The following IL4I1 variants were observed in gnomAD, a reference collection of about 807,000 sequenced individuals.
IL4I1 encodes interleukin 4 induced 1, also known as L-amino-acid oxidase.
In IL4I1, 24 loss-of-function variants were observed where a neutral mutation model predicts 29.7. The ratio of observed to expected loss-of-function variants is 0.81; its 90% CI spans 0.59 to 1.14. The LOEUF is 1.14. Ranked by LOEUF, IL4I1 falls within the 50% of genes most tolerant of loss-of-function variation. IL4I1 has a pLI of 0.00. For missense variants in IL4I1, 686 were observed against 785.6 expected, an observed-to-expected ratio of 0.87 and a Z score of 1.52; for synonymous variants, 371 against 352.5, an observed-to-expected ratio of 1.05 and a Z score of -0.59.
chr19:49,913,009 T>G (rs1206531652), intron 2 of IL4I1: 2 of 64,752 alleles, frequency 3.1e-5, no homozygotes, highest in Non-Finnish European at 8.9e-5. Context: ...CAGAGTCAAA[T>G]GTCAGCTCTA....
chr19:49,909,994 G>A (rs2075422674), intron 2 of IL4I1: 1 of 694,290 alleles, frequency 1.4e-6, no homozygotes, highest in South Asian at 1.6e-5. Flanking sequence ...AATGATGCAT[G>A]CTGTGTAACC....
chr19:49,920,918 T>C lies in IL4I1; in HGVS notation c.-228+6776A>G, dbSNP rs1152236. On this transcript the variant is annotated intron_variant, in intron 2 of 9. Coordinates refer to the IL4I1 transcript ENST00000341114. The stretch of plus-strand genomic sequence containing the variant: ...CAGCTTCCCCGGGGAGAGGCAGTGA[T>C]GTTGGTGGGGGAAGGAGGGAAGGGC... Among the ~76,000 whole-genome samples the C allele has an allele frequency of 3.2e-3, 493 of 152,118 alleles. 2 individuals carry two copies. The highest frequency in any genetic ancestry group is 0.011 in the African/African-American group (460 of 41,490).
intron 2 of IL4I1, chr19:49,913,152 G>C (rs779349754): frequency 2.6e-5 from 4 of 152,434 alleles, no homozygotes; most frequent in Non-Finnish European, 5.9e-5. Flanking sequence ...CCACGCGGGA[G>C]GAAAGGCCTG....
At chr19:49,892,077 CTTTTTTTTT>C (rs773013384) in intron 5 of IL4I1, among the ~76,000 whole-genome samples, 1 of 120,186 alleles carries the variant, frequency 8.3e-6, no homozygotes, top group Admixed American at 9.4e-5. Flanking sequence ...CCCTCAATGT[CTTTTTTTTT>C]TTTTTTTTTT....
intron 2 of IL4I1, among the ~76,000 whole-genome samples, chr19:49,920,384 G>A (rs1395741061): frequency 1.3e-5 from 2 of 152,184 alleles, no homozygotes; most frequent in East Asian, 3.9e-4. Flanking sequence ...CCCGGCCTAG[G>A]AGTTTCTTTT....
intron 2 of IL4I1, among the ~76,000 whole-genome samples, chr19:49,926,266 T>C (rs1181510533): frequency 6.8e-6 from 1 of 146,446 alleles, no homozygotes; most frequent in Non-Finnish European, 1.5e-5. Context: ...TGGTGGCTCA[T>C]GCCTGTAAAT....
chr19:49,899,657 C>A (rs181390516), upstream of IL4I1, among the ~76,000 whole-genome samples: 6 of 151,712 alleles, frequency 4.0e-5, no homozygotes, highest in African/African-American at 1.5e-4. Context: ...CCTGGGTTCA[C>A]GCCATTCTCC....
chr19:49,906,373 CAA>C (rs1403482262), intron 2 of IL4I1, among the ~76,000 whole-genome samples: 1 of 152,128 alleles, frequency 6.6e-6, no homozygotes, highest in Non-Finnish European at 1.5e-5. Context: ...CACGCACAAC[CAA>C]ACTTTTTTGT....
intron 4 of IL4I1, 108 bp from the exon 5 acceptor site, chr19:49,894,577 A>C (rs1171027474): frequency 2.0e-6 from 1 of 507,188 alleles, no homozygotes; most frequent in South Asian, 1.6e-5. Flanking sequence ...GGGGACCAGC[A>C]TGAGGCTGGG....
At position 49,908,442 on chromosome 19, in the gene IL4I1, C is replaced by T. The variant is rs755550156; in HGVS notation, c.-227-4121G>A. On this transcript the variant is annotated intron_variant, in intron 2 of 9. Coordinates refer to the IL4I1 transcript ENST00000341114. ...GGGGCCCCGGACGTGTTCAGGTGCTCGATGATGTCCTTGAGATCCTGGGCC... is the reference window on the plus strand; with the variant it reads ...GGGGCCCCGGACGTGTTCAGGTGCTTGATGATGTCCTTGAGATCCTGGGCC... The T allele has an allele frequency of 1.7e-4, 273 of 1,613,990 alleles. 1 individual carries two copies. The highest frequency in any genetic ancestry group is 2.1e-4 in the Non-Finnish European group (242 of 1,180,044).
At chr19:49,891,743 T>G (rs1324207035) in intron 5 of IL4I1, among the ~76,000 whole-genome samples, 3 of 152,224 alleles carry the variant, frequency 2.0e-5, no homozygotes, top group African/African-American at 7.2e-5. Context: ...TCATCCCGGT[T>G]GCGTGTTATT....
At chr19:49,908,351 T>G (rs1019173023) in intron 2 of IL4I1, 1 of 1,614,070 alleles carries the variant, frequency 6.2e-7, no homozygotes, top group Non-Finnish European at 8.5e-7. Flanking sequence ...GTCGATCCAC[T>G]GCAGTGAGTC....
At chr19:49,909,313 C>G (rs755550199) in intron 2 of IL4I1, 1 of 1,613,904 alleles carries the variant, frequency 6.2e-7, no homozygotes, top group Non-Finnish European at 8.5e-7. Flanking sequence ...AGGGTTGGGC[C>G]GTGCTTCCAC....
chr19:49,918,851 C>T (rs941912616), intron 2 of IL4I1, among the ~76,000 whole-genome samples: 28 of 128,292 alleles, frequency 2.2e-4, no homozygotes, highest in East Asian at 2.6e-4. Flanking sequence ...AAAGCTAGGC[C>T]GGGCGCAGTG....
intron 2 of IL4I1, chr19:49,909,090 A>G (rs578155441): frequency 9.3e-6 from 15 of 1,612,538 alleles, no homozygotes; most frequent in Non-Finnish European, 1.2e-5. Context: ...ACAGGGGTAC[A>G]GAGGGAGAGT....
At chr19:49,901,704 T>TC (rs2075273770), upstream of IL4I1, 1 of 1,533,460 alleles carries the variant, frequency 6.5e-7, no homozygotes, top group East Asian at 2.5e-5. Flanking sequence ...AGGACAGAAG[T>TC]CATCGTTGGG....
chr19:49,914,764 G>C (rs1356488636), intron 2 of IL4I1, among the ~76,000 whole-genome samples: 1 of 76,994 alleles, frequency 1.3e-5, no homozygotes, highest in Non-Finnish European at 2.4e-5. Context: ...TTTTGAGATG[G>C]AGTCTTGCTC....
In IL4I1 at chr19:49,908,845, C is replaced by A. The variant is rs763249376; in HGVS notation, c.-227-4524G>T. On this transcript the variant is annotated intron_variant, in intron 2 of 9. Transcript: ENST00000341114. ...AGGTCATGGCGGAGCTGGCAGCCGC[C>A]CCTGCAGCTGCGCCAGGGCCAGGTG... 43 of 1,612,478 alleles carry A rather than the reference C, an allele frequency of 2.7e-5. No individual in the cohort carries two copies. The Middle Eastern group carries it at 1.5e-3, about 55-fold the overall frequency.
At chr19:49,898,358 G>C (rs1390340722), upstream of IL4I1, among the ~76,000 whole-genome samples, 1 of 151,894 alleles carries the variant, frequency 6.6e-6, no homozygotes, top group South Asian at 2.1e-4. Context: ...AGTAATGAGG[G>C]CCGGGTGCGG....
Sources: allele counts gnomAD v4.1 joint callset (sites outside exome capture counted in the v4.1 genomes callset), GRCh38; gene constraint gnomAD v4.1.1; transcripts MANE v1.5; gene names NCBI Gene and HGNC (gene_info 2026-07-23, HGNC 2026-07-21).